DLG2: variants seen among roughly 807,000 people sequenced by gnomAD.
DLG2 encodes the protein discs large MAGUK scaffold protein 2.
Under a neutral mutation model 132.5 loss-of-function variants are expected in DLG2, and 45 were observed. The observed-to-expected ratio is 0.34, with a 90% confidence interval of 0.27 to 0.44. The LOEUF is 0.44. Ranked by LOEUF, DLG2 falls within the 20% of genes least tolerant of loss-of-function variation. DLG2 has a pLI of 1.00. For missense variants in DLG2, 1,045 were observed against 1,196.9 expected (o/e 0.87, Z 1.87); for synonymous variants, 424 against 419.6 (o/e 1.01, Z -0.13).
At chr11:84,296,736 A>G (rs889071205) in intron 7 of DLG2, among the ~76,000 whole-genome samples, 1 of 152,070 alleles carries the variant, frequency 6.6e-6, no homozygotes, top group Admixed American at 6.6e-5. Flanking sequence ...TGTACTTATG[A>G]TTTCATATTT....
intron 3 of DLG2, among the ~76,000 whole-genome samples, chr11:85,415,775 C>A (rs2089782655): frequency 6.6e-6 from 1 of 152,054 alleles, no homozygotes; most frequent in South Asian, 2.1e-4. Context: ...GGATAGACTG[C>A]AAAAATTTTC....
chr11:85,386,545 T>C (rs1270210032), intron 3 of DLG2, among the ~76,000 whole-genome samples: 1 of 152,116 alleles, frequency 6.6e-6, no homozygotes, highest in African/African-American at 2.4e-5. Context: ...TAAGATAATA[T>C]ATGTAAAGTA....
At chr11:84,332,441 A>AT (rs1185524956) in intron 7 of DLG2, among the ~76,000 whole-genome samples, 4 of 147,738 alleles carry the variant, frequency 2.7e-5, no homozygotes, top group African/African-American at 1.0e-4. Context: ...CCATCTCCTG[A>AT]CCTCGTGATC....
intron 6 of DLG2, among the ~76,000 whole-genome samples, chr11:85,000,761 T>C (rs373589218): frequency 7.2e-5 from 11 of 152,294 alleles, no homozygotes; most frequent in African/African-American, 2.4e-4. Context: ...TGCTCTCCTC[T>C]GTGGGGAGCA....
chr11:84,242,064 A>G (rs1036693405), intron 8 of DLG2, among the ~76,000 whole-genome samples: 38 of 152,328 alleles, frequency 2.5e-4, no homozygotes, highest in African/African-American at 8.7e-4. Flanking sequence ...TTCTTGGAAT[A>G]AGAGTGGTTT....
intron 6 of DLG2, among the ~76,000 whole-genome samples, chr11:85,039,983 C>G (rs1050314035): frequency 1.3e-5 from 2 of 151,832 alleles, no homozygotes; most frequent in Non-Finnish European, 2.9e-5. Context: ...AGAACACCAT[C>G]TGGGGGAGAG....
chr11:84,774,134 A>G (rs1039797012), intron 6 of DLG2, among the ~76,000 whole-genome samples: 4 of 152,194 alleles, frequency 2.6e-5, no homozygotes, highest in African/African-American at 9.7e-5. Flanking sequence ...ATTTGTAAAT[A>G]CCAATAAAGT....
At chr11:84,503,599 C>T (rs1468197981) in intron 7 of DLG2, among the ~76,000 whole-genome samples, 1 of 152,114 alleles carries the variant, frequency 6.6e-6, no homozygotes, top group African/African-American at 2.4e-5. Context: ...CCTCTGTGGC[C>T]AAGCTACCCT....
intron 7 of DLG2, among the ~76,000 whole-genome samples, chr11:84,334,855 CT>C (rs1417447001): frequency 6.6e-6 from 1 of 151,912 alleles, no homozygotes; most frequent in Non-Finnish European, 1.5e-5. Context: ...GGATGGGTTC[CT>C]TGAGAAAGTG....
At chr11:84,030,625 G>C (rs2095665201) in intron 11 of DLG2, among the ~76,000 whole-genome samples, 2 of 152,168 alleles carry the variant, frequency 1.3e-5, no homozygotes, top group Admixed American at 1.3e-4. Flanking sequence ...CAAGTTTAGA[G>C]AAAGGGGTTC....
chr11:84,420,273 C>T (rs1461031525), intron 7 of DLG2, among the ~76,000 whole-genome samples: 2 of 152,182 alleles, frequency 1.3e-5, no homozygotes, highest in Admixed American at 6.5e-5. Context: ...ACTGCAAGAG[C>T]CGCACTTTAT....
intron 6 of DLG2, among the ~76,000 whole-genome samples, chr11:84,571,389 T>A (rs2099484349): frequency 1.3e-5 from 2 of 152,024 alleles, no homozygotes; most frequent in Admixed American, 1.3e-4. Context: ...TCCTCCTTTA[T>A]CTTTTCCTTC....
chr11:83,985,945 A>C (rs1592395252), intron 11 of DLG2, among the ~76,000 whole-genome samples: 1 of 152,020 alleles, frequency 6.6e-6, no homozygotes, highest in South Asian at 2.1e-4. Flanking sequence ...TTCCACAATG[A>C]TTGAACAAAT....
At chr11:84,774,117 C>G (rs914365353) in intron 6 of DLG2, among the ~76,000 whole-genome samples, 4 of 152,022 alleles carry the variant, frequency 2.6e-5, no homozygotes, top group African/African-American at 9.7e-5. Flanking sequence ...GTAAAAAATT[C>G]AGTAGAATTT....
chr11:85,356,776 GTAGATAGATAGATAGATAGATAGA>G lies in DLG2; in HGVS notation c.41-71435_41-71412del, dbSNP rs58735940. On this transcript the variant is annotated intron_variant, in intron 3 of 27. Transcript: ENST00000376104. Reference sequence around the variant, plus strand: ...ATGCCCAGAAAGAAACAGTAGGTAAGTAGATAGATAGATAGATAGATAGATAGATAGATAGATAGATAGATAGAT... The same window carrying G: ...ATGCCCAGAAAGAAACAGTAGGTAAGTAGATAGATAGATAGATAGATAGAT... Among the ~76,000 whole-genome samples the G allele has an allele frequency of 2.6e-3, 389 of 147,394 alleles. 2 individuals are homozygous for G. The highest frequency in any genetic ancestry group is 8.7e-3 in the African/African-American group (346 of 39,880).
chr11:85,335,893 A>G (rs770874161), intron 3 of DLG2, among the ~76,000 whole-genome samples: 3 of 152,134 alleles, frequency 2.0e-5, no homozygotes, highest in Non-Finnish European at 4.4e-5. Context: ...GTGTACACCT[A>G]TGTAACAAAC....
At chr11:84,218,854 G>C (rs2154321739) in intron 8 of DLG2, among the ~76,000 whole-genome samples, 1 of 152,312 alleles carries the variant, frequency 6.6e-6, no homozygotes, top group African/African-American at 2.4e-5. Flanking sequence ...GCATAGAACA[G>C]CTCTTCATGA....
intron 3 of DLG2, among the ~76,000 whole-genome samples, chr11:85,402,584 T>C (rs2088253895): frequency 6.6e-6 from 1 of 152,042 alleles, no homozygotes. Flanking sequence ...ATCTTTGCAA[T>C]CTACCCATCT....
chr11:84,881,719 C>T (rs2087375651), intron 6 of DLG2, among the ~76,000 whole-genome samples: 1 of 152,072 alleles, frequency 6.6e-6, no homozygotes. Flanking sequence ...ATGTAAACCA[C>T]CATTCAAGGC....
Sources: gnomAD v4.1 joint callset for allele counts (sites outside exome capture counted in the v4.1 genomes callset) on GRCh38, gnomAD v4.1.1 for gene constraint, MANE v1.5 for transcripts, NCBI Gene and HGNC (gene_info 2026-07-23, HGNC 2026-07-21) for gene names.